The following RARB variants were observed in gnomAD, a reference collection of about 807,000 sequenced individuals.
RARB encodes retinoic acid receptor beta.
RARB carries 17 observed loss-of-function variants against 51.9 expected under a neutral mutation model. That is an observed-to-expected ratio of 0.33 (90% CI 0.22 to 0.49). RARB has a LOEUF of 0.49. Among genes scored for constraint, RARB ranks in the 20% least tolerant of loss-of-function variants. The pLI is 0.99. For missense variants in RARB, 369 were observed against 550.8 expected (o/e 0.67, Z 3.30); for synonymous variants, 215 against 195.4 (o/e 1.10, Z -0.84).
rs554211884 is a variant in RARB, at chr3:25,587,348, G to T, written c.787-6155G>T. Among the ~76,000 whole-genome samples, 3 of 152,208 alleles carry T rather than the reference G, an allele frequency of 2.0e-5. No individual in the cohort carries two copies. In the South Asian group the frequency reaches 6.2e-4, roughly 32 times the overall value. On this transcript the variant is annotated intron_variant, in intron 5 of 7. Coordinates refer to ENST00000330688, the MANE Select transcript of RARB (RefSeq NM_000965.5). ...CTGTGGCTCATGAGCACCTTGAAATGTGCCTGGTGTGAAGTGTGTATTGCA... is the reference window on the plus strand; with the variant it reads ...CTGTGGCTCATGAGCACCTTGAAATTTGCCTGGTGTGAAGTGTGTATTGCA...
chr3:25,143,494 G>A (rs953928233), intron 4 of RARB, among the ~76,000 whole-genome samples: 1 of 152,148 alleles, frequency 6.6e-6, no homozygotes, highest in Non-Finnish European at 1.5e-5. Flanking sequence ...CAGTAGGGAG[G>A]CATTCCAAAG....
At chr3:25,218,171 G>A (rs1300912435) in intron 5 of RARB, among the ~76,000 whole-genome samples, 1 of 152,046 alleles carries the variant, frequency 6.6e-6, no homozygotes, top group Non-Finnish European at 1.5e-5. Flanking sequence ...CAGTGCTGTG[G>A]GCTCCCCAGG....
Position 25,594,534 on chromosome 3 carries a change from G to C in RARB, c.1006G>C (p.Glu336Gln), listed in dbSNP as rs1701739003. The C allele has an allele frequency of 1.9e-6, 3 of 1,610,138 alleles. No homozygotes were observed. Among genetic ancestry groups the C allele is most frequent in the Non-Finnish European group, 2.5e-6 (3 of 1,178,798 alleles). The change falls in exon 7 of 8, where the codon GAG becomes CAG. Residue 336 changes from glutamate to glutamine, a missense_variant. By Grantham distance (29) the Glu-to-Gln change is conservative. Around this residue, in one of 9 missense-constraint regions of RARB, gnomAD observed 76 missense variants for 153.3 expected, o/e 0.50. Transcript: ENST00000330688. ...CLICGDRQDL[E>Q]EPTKVDKLQE... ...CTGGTATCCAGACCGCCAGGACCTT[G>C]AGGAACCGACAAAAGTAGATAAGCT... is the stretch of plus-strand genomic sequence containing the variant.
intron 3 of RARB, among the ~76,000 whole-genome samples, chr3:25,538,078 C>CA (rs1553630066): frequency 2.7e-5 from 4 of 149,808 alleles, no homozygotes; most frequent in Non-Finnish European, 4.5e-5. Flanking sequence ...AACAATGAAA[C>CA]TTTTTTTTTT....
intron 5 of RARB, among the ~76,000 whole-genome samples, chr3:25,317,565 A>T (rs546054167): frequency 6.6e-6 from 1 of 152,260 alleles, no homozygotes; most frequent in East Asian, 1.9e-4. Context: ...CATGGGTAGT[A>T]ACCATTTACC....
chr3:24,937,526 C>G (rs185458923), intron 2 of RARB, among the ~76,000 whole-genome samples: 58 of 152,250 alleles, frequency 3.8e-4, no homozygotes, highest in African/African-American at 1.4e-3. Flanking sequence ...ATTCCAGATC[C>G]CAAGGCAAAT....
chr3:25,430,953 A>G (rs1421902618), intron 1 of RARB, among the ~76,000 whole-genome samples: 1 of 110,050 alleles, frequency 9.1e-6, no homozygotes, highest in East Asian at 3.5e-4. Flanking sequence ...TGTTCCAACG[A>G]TTTTTTTTTT....
At chr3:24,844,091 T>C (rs1054412950) in intron 1 of RARB, among the ~76,000 whole-genome samples, 1 of 152,108 alleles carries the variant, frequency 6.6e-6, no homozygotes, top group South Asian at 2.1e-4. Context: ...GACTCTCCCA[T>C]CTGTTCTGCA....
chr3:24,952,549 T>C (rs1695917445), intron 2 of RARB, among the ~76,000 whole-genome samples: 1 of 152,140 alleles, frequency 6.6e-6, no homozygotes, highest in Non-Finnish European at 1.5e-5. Context: ...GAATGGCCTC[T>C]CCTTCAAGTC....
chr3:25,453,134 A>AT lies in RARB; in HGVS notation c.158-8053dup, dbSNP rs1709266643. On this transcript the variant is annotated intron_variant, in intron 1 of 7. Coordinates refer to ENST00000330688, the MANE Select transcript of RARB (RefSeq NM_000965.5). ...AGGAAGGTTAGGACAATAACAAGAC[A>AT]TTTTTTATGTTAGGGTGTCTCAGAC... Among the ~76,000 whole-genome samples, 3 of 151,910 alleles carry AT rather than the reference A, an allele frequency of 2.0e-5. No individual in the cohort carries two copies. The South Asian group carries it at 6.2e-4, about 32-fold the overall frequency.
At chr3:25,241,574 T>C (rs1702432259) in intron 5 of RARB, among the ~76,000 whole-genome samples, 1 of 152,232 alleles carries the variant, frequency 6.6e-6, no homozygotes, top group Non-Finnish European at 1.5e-5. Flanking sequence ...TGTTTGGTTT[T>C]CTGTTTCAGT....
At chr3:25,260,354 G>A (rs898512213) in intron 5 of RARB, among the ~76,000 whole-genome samples, 1 of 152,120 alleles carries the variant, frequency 6.6e-6, no homozygotes, top group Admixed American at 6.5e-5. Flanking sequence ...ATTCCTAAAA[G>A]AGAACTGTCC....
intron 4 of RARB, among the ~76,000 whole-genome samples, chr3:25,142,405 C>G (rs981105520): frequency 6.6e-6 from 1 of 152,146 alleles, no homozygotes; most frequent in African/African-American, 2.4e-5. Flanking sequence ...TGCATTTTAA[C>G]AAGACCCCCA....
At chr3:25,335,516 G>C (rs1705037631) in intron 5 of RARB, among the ~76,000 whole-genome samples, 1 of 152,174 alleles carries the variant, frequency 6.6e-6, no homozygotes, top group Non-Finnish European at 1.5e-5. Context: ...TATCAGGCCA[G>C]GTTTGGCACC....
chr3:25,112,207 CT>C (rs1238597009), intron 3 of RARB, among the ~76,000 whole-genome samples: 1 of 152,128 alleles, frequency 6.6e-6, no homozygotes, highest in Non-Finnish European at 1.5e-5. Context: ...CTGACATGGA[CT>C]TGAACTAGAA....
At chr3:25,584,405 C>T (rs181585090) in intron 5 of RARB, among the ~76,000 whole-genome samples, 60 of 152,308 alleles carry the variant, frequency 3.9e-4, no homozygotes, top group Non-Finnish European at 8.1e-4. Context: ...CAAAGGAGGG[C>T]TGGGGCTTGT....
At chr3:25,430,857 C>G (rs1189270893) in intron 1 of RARB, among the ~76,000 whole-genome samples, 1 of 151,686 alleles carries the variant, frequency 6.6e-6, no homozygotes, top group Non-Finnish European at 1.5e-5. Context: ...CACACCCCAA[C>G]TTTAGGTTAA....
chr3:25,380,656 C>T (rs553014093), intron 5 of RARB, among the ~76,000 whole-genome samples: 1 of 152,232 alleles, frequency 6.6e-6, no homozygotes, highest in African/African-American at 2.4e-5. Flanking sequence ...AATGGCGTTT[C>T]CTGTATTTTA....
chr3:25,251,216 T>G (rs1702710446), intron 5 of RARB, among the ~76,000 whole-genome samples: 1 of 152,056 alleles, frequency 6.6e-6, no homozygotes, highest in Admixed American at 6.6e-5. Flanking sequence ...TTCATTCATT[T>G]TATTATAATA....
Sources: gnomAD v4.1 joint callset for allele counts (sites outside exome capture counted in the v4.1 genomes callset) on GRCh38, gnomAD v4.1.1 for gene constraint, gnomAD v4.1.1 regional missense constraint, MANE v1.5 for transcripts, NCBI Gene and HGNC (gene_info 2026-07-23, HGNC 2026-07-21) for gene names.